The following GALNT13 variants were observed in gnomAD, a reference collection of about 807,000 sequenced individuals.
GALNT13 encodes UDP-GalNAc:polypeptide N-acetylgalactosaminyltransferase 13.
A neutral mutation model predicts 64.2 loss-of-function variants in GALNT13; 28 were observed. The ratio of observed to expected loss-of-function variants is 0.44; its 90% CI spans 0.32 to 0.60. The LOEUF (loss-of-function observed/expected upper bound fraction) is 0.60. GALNT13 is among the 20% of genes least tolerant of loss of function. The probability of loss-of-function intolerance (pLI) is 0.05; values close to 1 mark genes in which losing one functional copy is unlikely to be tolerated. For synonymous variants in GALNT13, 214 were observed against 224.6 expected (o/e 0.95, Z 0.42); for missense variants, 577 against 669.8 (o/e 0.86, Z 1.53).
the GALNT13 span, among the ~76,000 whole-genome samples, chr2:153,585,812 T>C: frequency 1.3e-5 from 2 of 151,816 alleles, no homozygotes; most frequent in African/African-American, 4.8e-5. Flanking sequence ...AGGCAAGGAT[T>C]CTGGTTTCGG....
chr2:154,073,848 G>A (rs1240548847), intron 3 of GALNT13, among the ~76,000 whole-genome samples: 2 of 151,766 alleles, frequency 1.3e-5, no homozygotes, highest in East Asian at 1.9e-4. Flanking sequence ...GAATATATGT[G>A]TGAAACAAAA....
At chr2:153,527,321 A>G in the GALNT13 span, among the ~76,000 whole-genome samples, 1 of 152,212 alleles carries the variant, frequency 6.6e-6, no homozygotes, top group Admixed American at 6.5e-5. Context: ...CACACAATAA[A>G]GCTCCAATAC....
the GALNT13 span, among the ~76,000 whole-genome samples, chr2:153,470,821 A>G: frequency 6.6e-6 from 1 of 152,190 alleles, no homozygotes; most frequent in Non-Finnish European, 1.5e-5. Context: ...AAGCTCATCT[A>G]TGGAATGTAG....
the GALNT13 span, among the ~76,000 whole-genome samples, chr2:153,288,604 A>G: frequency 1.4e-4 from 22 of 152,122 alleles, no homozygotes; most frequent in African/African-American, 5.3e-4. Flanking sequence ...CTGTCATACT[A>G]TTGCAGTGCT....
intron 3 of GALNT13, among the ~76,000 whole-genome samples, chr2:154,062,951 T>C (rs1034943634): frequency 6.6e-6 from 1 of 152,130 alleles, no homozygotes; most frequent in African/African-American, 2.4e-5. Context: ...AGCATCGATG[T>C]GATCTGCTTT....
the GALNT13 span, among the ~76,000 whole-genome samples, chr2:153,121,632 C>T: frequency 2.0e-4 from 30 of 152,222 alleles, no homozygotes; most frequent in Admixed American, 9.2e-4. Context: ...CCTGGGTTCA[C>T]GCAAGTCTGC....
chr2:153,378,582 A>C, the GALNT13 span, among the ~76,000 whole-genome samples: 1,462 of 152,270 alleles, frequency 9.6e-3, 65 homozygotes, highest in Admixed American at 0.063. Context: ...CCTTTCTTCT[A>C]GAGTGTATGC....
chr2:154,083,070 T>G (rs1701355869), intron 3 of GALNT13, among the ~76,000 whole-genome samples: 1 of 152,098 alleles, frequency 6.6e-6, no homozygotes, highest in Non-Finnish European at 1.5e-5. Flanking sequence ...CTTTAATCCA[T>G]CCTGAGTTAA....
chr2:154,022,541 A>G (rs1241077195), intron 3 of GALNT13, among the ~76,000 whole-genome samples: 1 of 152,100 alleles, frequency 6.6e-6, no homozygotes, highest in Admixed American at 6.5e-5. Context: ...CAGTGGTGAT[A>G]TCCCCTTTAT....
intron 3 of GALNT13, among the ~76,000 whole-genome samples, chr2:154,084,275 A>C (rs894704593): frequency 6.6e-6 from 1 of 151,856 alleles, no homozygotes; most frequent in Non-Finnish European, 1.5e-5. Flanking sequence ...TCTAATTATA[A>C]ATTAATGATG....
At chr2:153,421,198 A>C in the GALNT13 span, 2 of 188,746 alleles carry the variant, frequency 1.1e-5, no homozygotes, top group Admixed American at 1.2e-4. Flanking sequence ...GGCATATGTG[A>C]CCAAAGAGAA....
the GALNT13 span, among the ~76,000 whole-genome samples, chr2:153,471,034 C>T: frequency 6.6e-6 from 1 of 152,110 alleles, no homozygotes; most frequent in East Asian, 1.9e-4. Flanking sequence ...GCCAGCTTTG[C>T]GTATGCTACC....
chr2:154,328,167 C>G (rs1694976776), intron 9 of GALNT13, among the ~76,000 whole-genome samples: 1 of 152,070 alleles, frequency 6.6e-6, no homozygotes, highest in African/African-American at 2.4e-5. Context: ...TTTTCTGCAT[C>G]TTAATTGTAT....
At chr2:153,285,337 A>G in the GALNT13 span, among the ~76,000 whole-genome samples, 4 of 152,118 alleles carry the variant, frequency 2.6e-5, no homozygotes, top group Non-Finnish European at 4.4e-5. Flanking sequence ...GCTAAACCAT[A>G]TCATAGGTAT....
At chr2:154,174,855 C>T (rs746549711) in intron 4 of GALNT13, among the ~76,000 whole-genome samples, 3 of 151,858 alleles carry the variant, frequency 2.0e-5, no homozygotes, top group African/African-American at 4.8e-5. Context: ...AGCTGCATGT[C>T]TATTATAATA....
chr2:153,151,057 G>A, the GALNT13 span, among the ~76,000 whole-genome samples: 2 of 152,010 alleles, frequency 1.3e-5, no homozygotes, highest in African/African-American at 4.8e-5. Flanking sequence ...ATTACCTTGG[G>A]CAGTATGGCC....
the GALNT13 span, among the ~76,000 whole-genome samples, chr2:153,528,175 C>A: frequency 6.6e-6 from 1 of 151,668 alleles, no homozygotes; most frequent in African/African-American, 2.4e-5. Flanking sequence ...CTGTTCTCTA[C>A]AAGAAACACA....
chr2:153,192,424 T>A, the GALNT13 span, among the ~76,000 whole-genome samples: 1 of 152,164 alleles, frequency 6.6e-6, no homozygotes, highest in East Asian at 1.9e-4. Context: ...TTTAAAAATT[T>A]ATTGAGACAT....
intron 3 of GALNT13, among the ~76,000 whole-genome samples, chr2:154,098,112 C>A (rs1702164675): frequency 7.2e-6 from 1 of 138,326 alleles, no homozygotes; most frequent in African/African-American, 2.9e-5. Flanking sequence ...TTTTTGTCAG[C>A]AGTTTTAAAT....
Sources: gnomAD v4.1 joint callset for allele counts (sites outside exome capture counted in the v4.1 genomes callset) on GRCh38, gnomAD v4.1.1 for gene constraint, MANE v1.5 for transcripts, NCBI Gene and HGNC (gene_info 2026-07-23, HGNC 2026-07-21) for gene names.